The following KATNBL1 variants were observed in gnomAD, a reference collection of about 807,000 sequenced individuals.
The protein encoded by KATNBL1 is katanin regulatory subunit B1 like 1, also known as KATNB1-like protein 1.
In KATNBL1, 28 loss-of-function variants were observed where a neutral mutation model predicts 44.7. The observed-to-expected ratio is 0.63, with a 90% CI of 0.46 to 0.86. The LOEUF (loss-of-function observed/expected upper bound fraction) is 0.86. Ranked by LOEUF, KATNBL1 falls within the 40% of genes least tolerant of loss-of-function variation. KATNBL1 has a pLI of 0.00. For synonymous variants in KATNBL1, 78 were observed against 114.9 expected, an observed-to-expected ratio of 0.68 and a Z score of 2.06; for missense variants, 272 against 350.7, an observed-to-expected ratio of 0.78 and a Z score of 1.79.
At chr15:34,163,065 T>C (rs1035366890) in intron 2 of KATNBL1, among the ~76,000 whole-genome samples, 3 of 147,238 alleles carry the variant, frequency 2.0e-5, no homozygotes, top group South Asian at 2.1e-4. Context: ...TTTTTTGATA[T>C]GGAGTTTTGC....
intron 1 of KATNBL1, among the ~76,000 whole-genome samples, chr15:34,184,619 C>T (rs1211379021): frequency 9.1e-6 from 1 of 109,778 alleles, no homozygotes; most frequent in Non-Finnish European, 1.7e-5. Context: ...GTCACCCAGG[C>T]TGGAGAGTGC....
intron 9 of KATNBL1, among the ~76,000 whole-genome samples, chr15:34,144,594 G>C (rs557998049): frequency 2.7e-5 from 4 of 147,678 alleles, no homozygotes; most frequent in Admixed American, 1.4e-4. Flanking sequence ...TTTTTGAGAC[G>C]GAGTTTCACT....
intron 1 of KATNBL1, chr15:34,208,544 A>C (rs1890352345): frequency 6.6e-6 from 1 of 152,246 alleles, no homozygotes; most frequent in Admixed American, 6.5e-5. Flanking sequence ...TTTAACATGT[A>C]ATTTTTTATT....
At chr15:34,157,481 G>A (rs1002349808) in intron 2 of KATNBL1, among the ~76,000 whole-genome samples, 3 of 152,200 alleles carry the variant, frequency 2.0e-5, no homozygotes, top group Non-Finnish European at 4.4e-5. Flanking sequence ...AACTCTAGGG[G>A]TGGTGCCTGT....
At chr15:34,195,690 CAA>C (rs5811824) in intron 1 of KATNBL1, among the ~76,000 whole-genome samples, 9 of 111,432 alleles carry the variant, frequency 8.1e-5, no homozygotes, top group Admixed American at 9.3e-5. Flanking sequence ...GACGCCATCT[CAA>C]AAAAAAAAAA....
chr15:34,174,633 G>A (rs1483642647), intron 1 of KATNBL1, among the ~76,000 whole-genome samples: 1 of 151,568 alleles, frequency 6.6e-6, no homozygotes, highest in Non-Finnish European at 1.5e-5. Flanking sequence ...AAAGTAAAAG[G>A]AAGGGGGGAA....
At chr15:34,145,231 G>C (rs1888272389) in intron 9 of KATNBL1, 167 bp downstream of exon 9, 1 of 1,397,692 alleles carries the variant, frequency 7.2e-7, no homozygotes, top group Non-Finnish European at 9.5e-7. Context: ...TGCTGCCAAG[G>C]TCACAGTTAC....
intron 1 of KATNBL1, among the ~76,000 whole-genome samples, chr15:34,190,395 G>A (rs149304937): frequency 8.3e-4 from 127 of 152,260 alleles, no homozygotes; most frequent in African/African-American, 3.0e-3. Context: ...AATTTAAGAG[G>A]CAATGAAGCA....
intron 1 of KATNBL1, among the ~76,000 whole-genome samples, chr15:34,181,619 C>T (rs192888505): frequency 0.012 from 1,373 of 110,750 alleles, 97 homozygotes; most frequent in Middle Eastern, 0.056. Context: ...TATATATACA[C>T]ATATATATGT....
chr15:34,163,895 TC>T (rs1888884829), intron 1 of KATNBL1, among the ~76,000 whole-genome samples: 1 of 135,662 alleles, frequency 7.4e-6, no homozygotes. Context: ...CTGTCCTCAT[TC>T]TTTTTTTTTT....
intron 1 of KATNBL1, among the ~76,000 whole-genome samples, chr15:34,191,567 G>T (rs1020250416): frequency 6.6e-6 from 1 of 152,086 alleles, no homozygotes. Context: ...TGAGATAGAA[G>T]AATTATTATT....
chr15:34,205,063 G>T (rs1384872731), intron 1 of KATNBL1, among the ~76,000 whole-genome samples: 1 of 150,236 alleles, frequency 6.7e-6, no homozygotes, highest in Non-Finnish European at 1.5e-5. Context: ...GTGCAATATC[G>T]GCTCACTGCA....
intron 1 of KATNBL1, among the ~76,000 whole-genome samples, chr15:34,206,519 T>C (rs1381589642): frequency 6.6e-6 from 1 of 152,138 alleles, no homozygotes; most frequent in Non-Finnish European, 1.5e-5. Flanking sequence ...ACGCCGGGCA[T>C]GGTGGCTCAC....
chr15:34,156,658 G>A (rs1005901067), intron 2 of KATNBL1, among the ~76,000 whole-genome samples: 2 of 152,040 alleles, frequency 1.3e-5, no homozygotes, highest in East Asian at 3.9e-4. Context: ...GGTGTAGGCG[G>A]TGGGGGAGCA....
intron 1 of KATNBL1, among the ~76,000 whole-genome samples, chr15:34,202,978 G>C (rs535888584): frequency 3.9e-5 from 6 of 152,236 alleles, no homozygotes; most frequent in African/African-American, 1.4e-4. Flanking sequence ...GCGACAGCAA[G>C]ACTCTGTCTC....
chr15:34,209,386 A>G (rs8027499), intron 1 of KATNBL1: 11 of 152,048 alleles, frequency 7.2e-5, no homozygotes, highest in African/African-American at 2.7e-4. Flanking sequence ...TTTAAGCAAT[A>G]TAAGAGCGTA....
chr15:34,175,393 T>C (rs886816143), intron 1 of KATNBL1, among the ~76,000 whole-genome samples: 1 of 152,210 alleles, frequency 6.6e-6, no homozygotes, highest in Non-Finnish European at 1.5e-5. Flanking sequence ...CCATTTCAGA[T>C]TTGGATTTTT....
At chr15:34,157,613 A>G (rs530786337) in intron 2 of KATNBL1, among the ~76,000 whole-genome samples, 85 of 152,372 alleles carry the variant, frequency 5.6e-4, no homozygotes, top group African/African-American at 2.0e-3. Context: ...CAAATAGAGC[A>G]ACTTACACAA....
chr15:34,145,364 T>C, intron 9 of KATNBL1, 34 bp downstream of exon 9: 1 of 1,358,136 alleles, frequency 7.4e-7, no homozygotes, highest in Non-Finnish European at 9.6e-7. Context: ...TTCTAATTTT[T>C]AATGTTTAAT....
Sources: allele counts gnomAD v4.1 joint callset (sites outside exome capture counted in the v4.1 genomes callset), GRCh38; gene constraint gnomAD v4.1.1; transcripts MANE v1.5; gene names NCBI Gene and HGNC (gene_info 2026-07-23, HGNC 2026-07-21).